Variants in TARP observed in about 807,000 individuals in gnomAD.
At chr7:38,268,289 G>C in the TARP span, among the ~76,000 whole-genome samples, 3,417 of 150,888 alleles carry the variant, frequency 0.023, 88 homozygotes, top group Middle Eastern at 0.1. Context: ...GAGTTAAATT[G>C]CCTAAGTTGT....
chr7:38,260,659 G>A, the TARP span, among the ~76,000 whole-genome samples: 2 of 151,776 alleles, frequency 1.3e-5, no homozygotes, highest in Non-Finnish European at 2.9e-5. Flanking sequence ...AAAGACAGTG[G>A]GGGTGGACCA....
chr7:38,267,527 T>C, the TARP span, among the ~76,000 whole-genome samples: 1 of 151,136 alleles, frequency 6.6e-6, no homozygotes, highest in East Asian at 1.9e-4. Context: ...TCTGTCTGTG[T>C]AGCAAAGCTT....
At chr7:38,261,233 T>G in the TARP span, among the ~76,000 whole-genome samples, 2 of 151,798 alleles carry the variant, frequency 1.3e-5, no homozygotes, top group African/African-American at 4.8e-5. Context: ...GGTAATTTCT[T>G]GCTATCTGAC....
At chr7:38,273,138 A>G in the TARP span, among the ~76,000 whole-genome samples, 1 of 151,332 alleles carries the variant, frequency 6.6e-6, no homozygotes. Context: ...TTACTTCTAA[A>G]TATGGTCACA....
At chr7:38,264,994 T>A in the TARP span, among the ~76,000 whole-genome samples, 1 of 151,376 alleles carries the variant, frequency 6.6e-6, no homozygotes, top group African/African-American at 2.4e-5. Context: ...TCAAGTAAAG[T>A]CATCAAAAGA....
chr7:38,262,363 CT>C, the TARP span: 14 of 668,330 alleles, frequency 2.1e-5, no homozygotes, highest in Non-Finnish European at 3.5e-5. Context: ...TGGTCTAATT[CT>C]GTGTAATTAG....
the TARP span, among the ~76,000 whole-genome samples, chr7:38,270,034 C>G: frequency 2.0e-5 from 3 of 151,816 alleles, no homozygotes; most frequent in Non-Finnish European, 2.9e-5. Flanking sequence ...CCTAGGAGTT[C>G]GAGGCTGCAG....
the TARP span, chr7:38,259,849 T>C: frequency 1.3e-5 from 6 of 470,060 alleles, no homozygotes; most frequent in Non-Finnish European, 2.3e-5. Flanking sequence ...GGAGGAGCTG[T>C]GGAAAACATG....
chr7:38,268,067 G>A, the TARP span, among the ~76,000 whole-genome samples: 2 of 150,854 alleles, frequency 1.3e-5, 1 homozygote, highest in South Asian at 4.2e-4. Context: ...ACATGGTAAG[G>A]GCCGATATTG....
chr7:38,272,974 T>A, the TARP span, among the ~76,000 whole-genome samples: 1 of 151,568 alleles, frequency 6.6e-6, no homozygotes, highest in Non-Finnish European at 1.5e-5. Flanking sequence ...GTGAAAATTC[T>A]CTGAAAACTT....
chr7:38,263,654 A>G, the TARP span, among the ~76,000 whole-genome samples: 165 of 151,498 alleles, frequency 1.1e-3, no homozygotes, highest in Non-Finnish European at 2.0e-3. Context: ...AAAAAAAAAA[A>G]GGAAGAAGCA....
chr7:38,265,063 G>C, the TARP span, among the ~76,000 whole-genome samples: 2 of 151,258 alleles, frequency 1.3e-5, no homozygotes, highest in South Asian at 4.2e-4. Context: ...TTCTGTGTAT[G>C]TTGTTTCTTT....
the TARP span, among the ~76,000 whole-genome samples, chr7:38,260,620 C>T: frequency 2.0e-5 from 3 of 151,610 alleles, no homozygotes; most frequent in East Asian, 5.8e-4. Flanking sequence ...TGAGGTTTTG[C>T]AAGAGATATG....
chr7:38,271,840 C>G, the TARP span, among the ~76,000 whole-genome samples: 1 of 149,608 alleles, frequency 6.7e-6, no homozygotes, highest in Non-Finnish European at 1.5e-5. Context: ...AATATAAGGG[C>G]AAAAAAGGCA....
chr7:38,271,840 C>A, the TARP span, among the ~76,000 whole-genome samples: 1 of 149,608 alleles, frequency 6.7e-6, no homozygotes, highest in African/African-American at 2.5e-5. Context: ...AATATAAGGG[C>A]AAAAAAGGCA....
the TARP span, among the ~76,000 whole-genome samples, chr7:38,264,276 GC>G: frequency 6.6e-6 from 1 of 151,802 alleles, no homozygotes; most frequent in East Asian, 1.9e-4. Context: ...TAACGTAGCT[GC>G]CTTGGGAAGC....
the TARP span, chr7:38,262,089 G>C: frequency 8.2e-7 from 1 of 1,226,800 alleles, no homozygotes; most frequent in South Asian, 1.2e-5. Context: ...ATCCAACCTA[G>C]CAAAATCCAT....
chr7:38,268,219 ATTTAT>A, the TARP span, among the ~76,000 whole-genome samples: 2 of 151,384 alleles, frequency 1.3e-5, no homozygotes, highest in African/African-American at 4.8e-5. Flanking sequence ...AATAAATAAA[ATTTAT>A]TTTATTGTTG....
the TARP span, among the ~76,000 whole-genome samples, chr7:38,267,163 T>G: frequency 6.6e-6 from 1 of 151,788 alleles, no homozygotes; most frequent in African/African-American, 2.4e-5. Flanking sequence ...GCTGCTTAAC[T>G]GTTTTAAAGC....
Sources: gnomAD v4.1 joint callset for allele counts (sites outside exome capture counted in the v4.1 genomes callset) on GRCh38, gnomAD v4.1.1 for gene constraint, MANE v1.5 for transcripts.